MDC1: variants seen among roughly 807,000 people sequenced by gnomAD.
The protein encoded by MDC1 is mediator of DNA damage checkpoint protein 1.
In MDC1, 81 loss-of-function variants were observed where a neutral mutation model predicts 142.5. The observed-to-expected ratio is 0.57, with a 90% CI of 0.47 to 0.68. MDC1 has a LOEUF of 0.68. Ranked by LOEUF, MDC1 falls within the 30% of genes least tolerant of loss-of-function variation. The pLI is 0.00. For missense variants in MDC1, 2,119 were observed against 2,547.9 expected (o/e 0.83, Z 3.62); for synonymous variants, 797 against 968.4 (o/e 0.82, Z 3.29).
At chr6:30,702,687 T>C (rs1343884451) in intron 13 of MDC1, 24 bp from the exon 14 acceptor site, 10 of 1,611,672 alleles carry the variant, frequency 6.2e-6, no homozygotes, top group South Asian at 1.1e-5. Context: ...ATGATGGAGA[T>C]GGTATTGTAG....
Position 30,706,005 on chromosome 6 carries a change from G to A in MDC1, c.3178C>T (p.His1060Tyr). Residue 1060 changes from histidine (H) to tyrosine (Y), a missense_variant, in exon 10 of 15, where the codon CAT becomes TAT. Transcript: ENST00000376406. ...QKPLNSQSQK[H>Y]LAPPPLLSPL... is the part of the protein sequence containing the mutation. ...GAAAGAAGGGGCGGAGGTGCAAGAT[G>A]TTTCTGGCTCTGAGAGTTAAGGGGC... The A allele has an allele frequency of 6.2e-7, 1 of 1,609,868 alleles. No homozygotes were observed. Among genetic ancestry groups the A allele is most frequent in the South Asian group, 1.1e-5 (1 of 91,080 alleles).
rs992788886 is a variant in MDC1, at chr6:30,703,805, G to A, written c.5378C>T (p.Pro1793Leu). ...IHASQIQKVE[P>L]AGRSRFTPEL... ...CGGGGTGAACCTAGATCTACCTGCT[G>A]GTTCCACCTTTTGGATCTGGGAGGC... The change falls in exon 10 of 15, where the codon CCA becomes CTA. Residue 1793 changes from proline to leucine, a missense_variant. Transcript: ENST00000376406. The surrounding 1 kb of genome is among the most constrained non-coding windows in gnomAD (Gnocchi z 4.4). 3.7e-6 allele frequency: 6 copies of A among 1,603,606 alleles called. No individual in the cohort carries two copies. Among genetic ancestry groups the A allele is most frequent in the African/African-American group, 2.7e-5 (2 of 74,650 alleles).
intron 7 of MDC1, among the ~76,000 whole-genome samples, 163 bp downstream of exon 7, chr6:30,711,249 A>AGCT (rs1774830969): frequency 6.6e-6 from 1 of 152,208 alleles, no homozygotes; most frequent in Non-Finnish European, 1.5e-5. Context: ...GGTCATGGAC[A>AGCT]GCTGTAATCC....
At position 30,713,056 on chromosome 6, in the gene MDC1, C is replaced by T. The variant is rs1775155508; in HGVS notation, c.886G>A (p.Gly296Arg). ...TCCACATCTGTGTCACTGTCCTCTC[C>T]AGGAGGTTGGCTCCTCTCCAGAATC... ...GVILERSQPP[G>R]EDSDTDVDDD... Residue 296 changes from glycine to arginine, a missense_variant, in exon 5 of 15, where the codon GGA (glycine) becomes AGA (arginine). Gly to Arg is a moderately radical substitution (Grantham distance 125). Coordinates refer to ENST00000376406, the MANE Select transcript of MDC1 (RefSeq NM_014641.3). This position sits in a 1 kb window ranked among gnomAD's most constrained non-coding sequence, Gnocchi z 4.9. 1.9e-6 allele frequency: 3 copies of T among 1,613,008 alleles called. No homozygotes were observed. The highest frequency in any genetic ancestry group is 2.5e-6 in the Non-Finnish European group (3 of 1,179,948).
Position 30,700,341 on chromosome 6 carries a change from C to T in MDC1, c.*124G>A. 1.0e-6 allele frequency: 1 copy of T among 973,216 alleles called. No homozygotes were observed. The highest frequency in any genetic ancestry group is 2.6e-5 in the East Asian group (1 of 37,936). 60.3% of individuals were successfully genotyped at this position (973,216 alleles called of 1,614,324 possible). On this transcript the variant is annotated 3_prime_UTR_variant, in exon 15 of 15. Coordinates refer to ENST00000376406, the MANE Select transcript of MDC1 (RefSeq NM_014641.3). ...TCTTTTCATTTATTCATAAAGATTTCTGGTCCCACCCATGTTCCAGGACAA... is the reference window on the plus strand; with the variant it reads ...TCTTTTCATTTATTCATAAAGATTTTTGGTCCCACCCATGTTCCAGGACAA...
chr6:30,700,736 T>C (rs1772481710), intron 14 of MDC1, 104 bp from the exon 15 acceptor site: 1 of 1,205,634 alleles, frequency 8.3e-7, no homozygotes, highest in African/African-American at 1.5e-5. Flanking sequence ...TACCTCCTAA[T>C]ATGAAGCCAA....
Position 30,713,521 on chromosome 6 carries a change from A to G in MDC1, c.587+127T>C. The stretch of plus-strand genomic sequence containing the variant: ...GATGTGCTCCATAAAAATTCAGCTG[A>G]GTGAATGAATATGTATGGTTCCCCA... On this transcript the variant is annotated intron_variant, in intron 4 of 14. Coordinates refer to ENST00000376406, the MANE Select transcript of MDC1 (RefSeq NM_014641.3). The surrounding 1 kb of genome is among the most constrained non-coding windows in gnomAD (Gnocchi z 4.9). 1 of 1,245,602 alleles carries G rather than the reference A, an allele frequency of 8.0e-7. No homozygotes were observed. Among genetic ancestry groups the G allele is most frequent in the Non-Finnish European group, 1.1e-6 (1 of 908,314 alleles). 77.2% of individuals were successfully genotyped at this position (1,245,602 alleles called of 1,614,324 possible).
rs1775252426 is a variant in MDC1, at chr6:30,713,685, A to G, written c.550T>C (p.Ser184Pro). 1 of 1,613,988 alleles carries G rather than the reference A, an allele frequency of 6.2e-7. No homozygotes were observed. The highest frequency in any genetic ancestry group is 1.3e-5 in the African/African-American group (1 of 74,890). ...ATCACAGAGGAAGATGTGGTCCTTG[A>G]TTTTTTTACCATACGCCTTTCAGAA... is the stretch of plus-strand genomic sequence containing the variant. ...FLSERRMVKKSRTTSSSVIVP... is the reference protein window; with the variant it reads ...FLSERRMVKKPRTTSSSVIVP... The change falls in exon 4 of 15, where the codon TCA (serine) becomes CCA (proline). Residue 184 changes from serine (S) to proline (P), a missense_variant. By Grantham distance (74) the Ser-to-Pro change is moderately conservative. Transcript: ENST00000376406. This position sits in a 1 kb window ranked among gnomAD's most constrained non-coding sequence, Gnocchi z 4.9.
At position 30,703,838 on chromosome 6, in the gene MDC1, G is replaced by C; in HGVS notation, c.5345C>G (p.Pro1782Arg). ...EPASPQLLET[P>R]IHASQIQKVE... The stretch of plus-strand genomic sequence containing the variant: ...CTTTTGGATCTGGGAGGCATGAATT[G>C]GTGTCTCAAGAAGCTGGGGAGAGGC... Residue 1782 changes from proline (P) to arginine (R), a missense_variant, in exon 10 of 15, where the codon CCA becomes CGA. Physicochemically the swap from Pro to Arg is moderately radical, Grantham distance 103. Transcript: ENST00000376406. This position sits in a 1 kb window ranked among gnomAD's most constrained non-coding sequence, Gnocchi z 4.4. The C allele has an allele frequency of 6.2e-7, 1 of 1,612,522 alleles. No individual in the cohort carries two copies. The highest frequency in any genetic ancestry group is 8.5e-7 in the Non-Finnish European group (1 of 1,179,258).
Position 30,713,356 on chromosome 6 carries a change from T to A in MDC1, c.588-2A>T. ...ACCGGGGAATGCCCCTCTTCATCACTGTGAAGGGAAGAAAAGAGAGTCTAT... is the reference window on the plus strand; with the variant it reads ...ACCGGGGAATGCCCCTCTTCATCACAGTGAAGGGAAGAAAAGAGAGTCTAT... On this transcript the variant is annotated splice_acceptor_variant, in intron 4 of 14. Coordinates refer to ENST00000376406, the MANE Select transcript of MDC1 (RefSeq NM_014641.3). LOFTEE classifies it high-confidence loss of function. The surrounding 1 kb of genome is among the most constrained non-coding windows in gnomAD (Gnocchi z 4.9). The A allele has an allele frequency of 2.6e-6, 4 of 1,560,488 alleles. No individual in the cohort carries two copies. The highest frequency in any genetic ancestry group is 2.6e-6 in the Non-Finnish European group (3 of 1,160,272).
Position 30,712,732 on chromosome 6 carries a change from T to C in MDC1, c.1210A>G (p.Thr404Ala), listed in dbSNP as rs757733468. 6.2e-7 allele frequency: 1 copy of C among 1,613,074 alleles called. No homozygotes were observed. Among genetic ancestry groups the C allele is most frequent in the South Asian group, 1.1e-5 (1 of 91,078 alleles). Residue 404 changes from threonine to alanine, a missense_variant, in exon 5 of 15, where the codon ACA becomes GCA. By Grantham distance (58) the Thr-to-Ala change is moderately conservative. Coordinates refer to ENST00000376406, the MANE Select transcript of MDC1 (RefSeq NM_014641.3). The surrounding 1 kb of genome is among the most constrained non-coding windows in gnomAD (Gnocchi z 4.7). ...SQASMVINSD[T>A]DDEEEVSAAL... ...GCTGAGACTTCTTCCTCGTCATCTGTATCGCTGTTGATAACCATGGAAGCT... is the reference window on the plus strand; with the variant it reads ...GCTGAGACTTCTTCCTCGTCATCTGCATCGCTGTTGATAACCATGGAAGCT...
chr6:30,704,386 G>A lies in MDC1; in HGVS notation c.4797C>T (p.Cys1599=). ...TPEPTSRATR[C]RTNRSSVKTP... The stretch of plus-strand genomic sequence containing the variant: ...TCTTGACAGAGGACCTATTTGTCCT[G>A]CACCTAGTGGCCCGAGATGTGGGCT... Residue 1599 remains cysteine, a synonymous_variant, in exon 10 of 15, where the codon TGC becomes TGT. Coordinates refer to ENST00000376406, the MANE Select transcript of MDC1 (RefSeq NM_014641.3). 6.2e-7 allele frequency: 1 copy of A among 1,608,280 alleles called. No homozygotes were observed. Among genetic ancestry groups the A allele is most frequent in the Middle Eastern group, 1.7e-4 (1 of 6,034 alleles).
At position 30,714,113 on chromosome 6, in the gene MDC1, T is replaced by C. The variant is rs1775319223; in HGVS notation, c.207A>G (p.Pro69=). 1 of 1,612,490 alleles carries C rather than the reference T, an allele frequency of 6.2e-7. No individual in the cohort carries two copies. Among genetic ancestry groups the C allele is most frequent in the Non-Finnish European group, 8.5e-7 (1 of 1,179,982 alleles). ...TCTCTGCATGTTGTTTGGAGATAGA[T>C]GGAAAGGGCAGGGCCACAGAGCAGT... ...MPDCSVALPF[P]SISKQHAEIE... Residue 69 remains proline (P), a synonymous_variant, in exon 3 of 15, where the codon CCA becomes CCG. Transcript: ENST00000376406.
At position 30,704,820 on chromosome 6, in the gene MDC1, G is replaced by A. The variant is rs762976754; in HGVS notation, c.4363C>T (p.Leu1455Phe). Reference protein sequence around the residue: ...PETVVPTAPELQPSTSTDQPV... With the variant: ...PETVVPTAPEFQPSTSTDQPV... ...TGGTCTGTGGAGGTGGAAGGCTGGAGCTCAGGGGCTGTGGGGACAACTGTT... is the reference window on the plus strand; with the variant it reads ...TGGTCTGTGGAGGTGGAAGGCTGGAACTCAGGGGCTGTGGGGACAACTGTT... The change falls in exon 10 of 15, where the codon CTC (leucine) becomes TTC (phenylalanine). Residue 1455 changes from leucine (L) to phenylalanine (F), a missense_variant. Coordinates refer to ENST00000376406, the MANE Select transcript of MDC1 (RefSeq NM_014641.3). 20 of 1,612,076 alleles carry A rather than the reference G, an allele frequency of 1.2e-5. No homozygotes were observed. Among genetic ancestry groups the A allele is most frequent in the South Asian group, 2.2e-5 (2 of 90,960 alleles).
Position 30,716,986 on chromosome 6 carries a change from G to A in MDC1, c.-4+259C>T, listed in dbSNP as rs530543820. ...TCTTTATGACAGGCCAACTCAGCGG[G>A]TGCCCACCACGCTTGGCTCCAATTC... On this transcript the variant is annotated intron_variant, in intron 1 of 14. Coordinates refer to ENST00000376406, the MANE Select transcript of MDC1 (RefSeq NM_014641.3). The surrounding 1 kb of genome is among the most constrained non-coding windows in gnomAD (Gnocchi z 4.4). 107 of 885,978 alleles carry A rather than the reference G, an allele frequency of 1.2e-4. 3 individuals are homozygous for A. The South Asian group carries it at 5.0e-3, about 42-fold the overall frequency. 54.9% of individuals were successfully genotyped at this position (885,978 alleles called of 1,614,324 possible).
Position 30,702,871 on chromosome 6 carries a change from T to C in MDC1, c.5872A>G (p.Lys1958Glu), listed in dbSNP as rs1236127889. The change falls in exon 13 of 15, where the codon AAG becomes GAG. Residue 1958 changes from lysine (K) to glutamate (E), a missense_variant. By Grantham distance (56) the Lys-to-Glu change is moderately conservative (BLOSUM62 1). Transcript: ENST00000376406. ...TCCGGGGGTAAGAAGAAACCAGCCTTGCGGGACTAAGGACGGCAGCAGTCA... is the reference window on the plus strand; with the variant it reads ...TCCGGGGGTAAGAAGAAACCAGCCTCGCGGGACTAAGGACGGCAGCAGTCA... Reference protein sequence around the residue: ...LSLDWLHQSRKAGFFLPPDEY... With the variant: ...LSLDWLHQSREAGFFLPPDEY... The C allele has an allele frequency of 1.9e-6, 3 of 1,612,944 alleles. No individual in the cohort carries two copies. The highest frequency in any genetic ancestry group is 2.5e-6 in the Non-Finnish European group (3 of 1,180,030).
In MDC1 at chr6:30,704,492, G is replaced by A; in HGVS notation, c.4691C>T (p.Ser1564Phe). The change falls in exon 10 of 15, where the codon TCT (serine) becomes TTT (phenylalanine). Residue 1564 changes from serine to phenylalanine, a missense_variant. Coordinates refer to ENST00000376406, the MANE Select transcript of MDC1 (RefSeq NM_014641.3). ...GACAATTGATTCAGGGGTCTTGACAGAGGACCTATTTGTCCTGCCCCTAGT... is the reference window on the plus strand; with the variant it reads ...GACAATTGATTCAGGGGTCTTGACAAAGGACCTATTTGTCCTGCCCCTAGT... ...RATRGRTNRS[S>F]VKTPESIVPI... The A allele has an allele frequency of 1.2e-6, 2 of 1,613,010 alleles. No individual in the cohort carries two copies. The highest frequency in any genetic ancestry group is 1.7e-6 in the Non-Finnish European group (2 of 1,179,528).
chr6:30,703,794 A>G lies in MDC1; in HGVS notation c.5389T>C (p.Ser1797Pro), dbSNP rs940799894. 2 of 1,595,634 alleles carry G rather than the reference A, an allele frequency of 1.3e-6. No homozygotes were observed. Among genetic ancestry groups the G allele is most frequent in the Middle Eastern group, 1.7e-4 (1 of 5,970 alleles). The change falls in exon 10 of 15, where the codon TCT becomes CCT. Residue 1797 changes from serine (S) to proline (P), a missense_variant. Physicochemically the swap from Ser to Pro is moderately conservative, Grantham distance 74. Transcript: ENST00000376406. This position sits in a 1 kb window ranked among gnomAD's most constrained non-coding sequence, Gnocchi z 4.4. ...GGCTGGAGCTCCGGGGTGAACCTAG[A>G]TCTACCTGCTGGTTCCACCTTTTGG... ...QIQKVEPAGR[S>P]RFTPELQPKA...
intron 9 of MDC1, among the ~76,000 whole-genome samples, chr6:30,706,638 A>G (rs1382109577): frequency 6.8e-6 from 1 of 147,406 alleles, no homozygotes; most frequent in Non-Finnish European, 1.5e-5. Flanking sequence ...AAAAAAAAAA[A>G]AAAAAAAATT....
Sources: allele counts gnomAD v4.1 joint callset (sites outside exome capture counted in the v4.1 genomes callset), GRCh38; gene constraint gnomAD v4.1.1; non-coding constraint Gnocchi (gnomAD v3.1); transcripts MANE v1.5; gene names NCBI Gene and HGNC (gene_info 2026-07-23, HGNC 2026-07-21).